Variants in SIPA1L3 observed in about 807,000 individuals in gnomAD.
SIPA1L3 encodes the protein signal-induced proliferation-associated 1-like protein 3.
In SIPA1L3, 59 loss-of-function variants were observed where a neutral mutation model predicts 150.1. The observed-to-expected ratio is 0.39, with a 90% CI of 0.32 to 0.49. The LOEUF is 0.49. SIPA1L3 is among the 20% of genes least tolerant of loss of function. The pLI is 0.86. For missense variants in SIPA1L3, 2,211 were observed against 2,489.5 expected, an observed-to-expected ratio of 0.89 and a Z score of 2.38; for synonymous variants, 1,070 against 1,077.6, an observed-to-expected ratio of 0.99 and a Z score of 0.14.
intron 1 of SIPA1L3, among the ~76,000 whole-genome samples, chr19:37,946,688 G>GT (rs199672772): frequency 0.011 from 1,727 of 150,728 alleles, 16 homozygotes; most frequent in African/African-American, 0.022. Context: ...TTATCTTTTA[G>GT]TTTTTTTTTG....
intron 1 of SIPA1L3, among the ~76,000 whole-genome samples, chr19:37,995,509 A>G (rs833903): frequency 0.8 from 121,055 of 152,158 alleles, 48,864 homozygotes; most frequent in East Asian, 0.97. Flanking sequence ...TGGTGAGTAG[A>G]TGAGCTGCAA....
rs4006822 is a variant in SIPA1L3, at chr19:38,182,136, C to CAA, written c.4209-371_4209-370dup. The stretch of plus-strand genomic sequence containing the variant: ...AGCCTGGGTGACTGAGACCCTGTCT[C>CAA]AAAAAAAAAAAAAGAAAGGTTAGGA... On this transcript the variant is annotated intron_variant, in intron 15 of 21. Coordinates refer to ENST00000222345, the MANE Select transcript of SIPA1L3 (RefSeq NM_015073.3). Among the ~76,000 whole-genome samples, 172 of 130,080 alleles carry CAA rather than the reference C, an allele frequency of 1.3e-3. 11 individuals carry two copies. The highest frequency in any genetic ancestry group is 1.5e-3 in the Non-Finnish European group (93 of 63,862). The allele number at this position is 130,080 out of a possible 152,430, so 85.3% of individuals were successfully genotyped here. A position where few individuals can be genotyped will look rare whatever the true frequency, so the allele number is the denominator to read the frequency against.
At chr19:38,009,973 C>T (rs1395661290) in intron 1 of SIPA1L3, among the ~76,000 whole-genome samples, 1 of 152,168 alleles carries the variant, frequency 6.6e-6, no homozygotes, top group Non-Finnish European at 1.5e-5. Context: ...AGAGATCAAA[C>T]TTCTGTTTCC....
chr19:38,207,417 C>T lies in SIPA1L3; in HGVS notation c.*1177C>T, dbSNP rs1158156900. 5 of 144,734 alleles carry T rather than the reference C, an allele frequency of 3.5e-5. No homozygotes were observed. Among genetic ancestry groups the T allele is most frequent in the African/African-American group, 1.3e-4 (5 of 39,566 alleles). 9.0% of individuals were successfully genotyped at this position (144,734 alleles called of 1,614,324 possible). On this transcript the variant is annotated 3_prime_UTR_variant, in exon 22 of 22. Coordinates refer to ENST00000222345, the MANE Select transcript of SIPA1L3 (RefSeq NM_015073.3). The stretch of plus-strand genomic sequence containing the variant: ...CTTTTTTTCCTTCTTTAAAAGCAAA[C>T]AGAAAAAGATATATATATATATATA...
intron 12 of SIPA1L3, 60 bp from the exon 13 acceptor site, chr19:38,152,780 A>T: frequency 6.5e-7 from 1 of 1,540,682 alleles, no homozygotes; most frequent in Non-Finnish European, 8.8e-7. Flanking sequence ...GCTCAGGCTC[A>T]GGTGGTTTTC....
rs540337554 is a variant in SIPA1L3, at chr19:37,985,971, C to T, written c.-378-43118C>T. On this transcript the variant is annotated intron_variant, in intron 1 of 21. Transcript: ENST00000222345. ...CAGCTGCGCCGTCATGCGAGCAAAG[C>T]GGTGGCGCTTTGTGCCTGAAGCCCA... Among the ~76,000 whole-genome samples the T allele has an allele frequency of 2.5e-4, 38 of 152,364 alleles. No individual in the cohort carries two copies. In the South Asian group the frequency reaches 6.0e-3, roughly 24 times the overall value.
chr19:38,118,413 A>T (rs927880063), intron 8 of SIPA1L3, among the ~76,000 whole-genome samples: 1 of 152,078 alleles, frequency 6.6e-6, no homozygotes, highest in Admixed American at 6.6e-5. Context: ...GTTTTTGCCA[A>T]ACTGTAAGAT....
chr19:38,204,266 C>T, intron 21 of SIPA1L3, 58 bp downstream of exon 21: 2 of 1,427,926 alleles, frequency 1.4e-6, no homozygotes, highest in Middle Eastern at 2.4e-4. Context: ...GCAGGGCAGT[C>T]AGCAGGGATC....
At chr19:38,098,970 T>C (rs1970438770) in intron 4 of SIPA1L3, among the ~76,000 whole-genome samples, 1 of 152,158 alleles carries the variant, frequency 6.6e-6, no homozygotes, top group Non-Finnish European at 1.5e-5. Context: ...CCTTTTCTTT[T>C]CTTTTCCCTT....
intron 1 of SIPA1L3, among the ~76,000 whole-genome samples, chr19:37,925,645 G>T (rs2046497110): frequency 7.0e-6 from 1 of 143,100 alleles, no homozygotes; most frequent in African/African-American, 2.6e-5. Context: ...CCAGGCTGGA[G>T]TGCAATGGCC....
rs1294844051 is a variant in SIPA1L3, at chr19:38,098,283, T to G, written c.1666-1679T>G. ...TGCAAGGATTAACTTCTGTGACTTT[T>G]TGTTGTCTCTTTCCTCATGATTGCA... On this transcript the variant is annotated intron_variant, in intron 4 of 21. Transcript: ENST00000222345. Among the ~76,000 whole-genome samples, 4 of 152,326 alleles carry G rather than the reference T, an allele frequency of 2.6e-5. No individual in the cohort carries two copies. The East Asian group carries it at 5.8e-4, about 22-fold the overall frequency.
chr19:38,110,376 C>T lies in SIPA1L3; in HGVS notation c.2283C>T (p.Val761=), dbSNP rs1970711569. The T allele has an allele frequency of 1.9e-6, 3 of 1,613,650 alleles. No individual in the cohort carries two copies. Among genetic ancestry groups the T allele is most frequent in the Non-Finnish European group, 2.5e-6 (3 of 1,179,704 alleles). The change falls in exon 8 of 22, where the codon GTC becomes GTT. Residue 761 remains valine (V), a synonymous_variant. Transcript: ENST00000222345. ...VRVHNPCTDN[V]CYSMAVTRSK... Reference sequence around the variant, plus strand: ...TCCACAACCCCTGCACTGATAACGTCTGTTACAGGTATGCCCCCCACACCC... The same window carrying T: ...TCCACAACCCCTGCACTGATAACGTTTGTTACAGGTATGCCCCCCACACCC...
At position 38,124,995 on chromosome 19, in the gene SIPA1L3, A is replaced by AGAGAGGGAGAGGGAGACCGTGGG. The variant is rs1422740224; in HGVS notation, c.2868+5130_2868+5152dup. Among the ~76,000 whole-genome samples the AGAGAGGGAGAGGGAGACCGTGGG allele has an allele frequency of 6.8e-5, 7 of 103,116 alleles. No individual in the cohort carries two copies. In the Middle Eastern group the frequency reaches 0.012, roughly 180 times the overall value. The allele number at this position is 103,116 out of a possible 152,430, so 67.6% of individuals were successfully genotyped here. ...TCGGGATCAGAGGGAGACTGTGGAA[A>AGAGAGGGAGAGGGAGACCGTGGG]GAGAGGGAGAGGGAGACCGTGGGGA... On this transcript the variant is annotated intron_variant, in intron 9 of 21. Transcript: ENST00000222345.
intron 2 of SIPA1L3, among the ~76,000 whole-genome samples, chr19:38,039,465 G>A (rs185189773): frequency 1.3e-5 from 2 of 152,044 alleles, no homozygotes; most frequent in Non-Finnish European, 2.9e-5. Context: ...AGGCTGAGGC[G>A]GGTGAATCAC....
At chr19:38,110,201 T>C (rs1046818314) in intron 7 of SIPA1L3, 26 bp from the exon 8 acceptor site, 3 of 1,611,344 alleles carry the variant, frequency 1.9e-6, no homozygotes, top group Admixed American at 1.7e-5. Flanking sequence ...GACAGGTTCC[T>C]GTCCCCCTCT....
intron 1 of SIPA1L3, among the ~76,000 whole-genome samples, chr19:37,909,223 C>G (rs2046359099): frequency 6.6e-6 from 1 of 152,184 alleles, no homozygotes. Context: ...TTCCCCTCAG[C>G]TTGAGACGGA....
intron 13 of SIPA1L3, among the ~76,000 whole-genome samples, chr19:38,158,860 G>A (rs1972010298): frequency 6.6e-6 from 1 of 152,214 alleles, no homozygotes; most frequent in African/African-American, 2.4e-5. Flanking sequence ...AGTGAGAGGT[G>A]CCTGATAGAT....
intron 15 of SIPA1L3, among the ~76,000 whole-genome samples, chr19:38,177,666 G>C (rs970629140): frequency 6.6e-6 from 1 of 151,742 alleles, no homozygotes; most frequent in African/African-American, 2.4e-5. Context: ...CTATAGTTCA[G>C]ACCATCTGTC....
chr19:38,153,424 C>G (rs1003162084), intron 13 of SIPA1L3, among the ~76,000 whole-genome samples: 1 of 152,186 alleles, frequency 6.6e-6, no homozygotes, highest in Non-Finnish European at 1.5e-5. Flanking sequence ...AATCCCAGCA[C>G]TTTGAGAGGC....
Sources: gnomAD v4.1 joint callset for allele counts (sites outside exome capture counted in the v4.1 genomes callset) on GRCh38, gnomAD v4.1.1 for gene constraint, MANE v1.5 for transcripts, NCBI Gene and HGNC (gene_info 2026-07-23, HGNC 2026-07-21) for gene names.